The following ATP8A2 variants were observed in gnomAD, a reference collection of about 807,000 sequenced individuals.
ATP8A2 encodes phospholipid-transporting ATPase IB.
In ATP8A2, 100 loss-of-function variants were observed where a neutral mutation model predicts 165.6. That is an observed-to-expected ratio of 0.60 (90% CI 0.51 to 0.71). ATP8A2 has a LOEUF of 0.71. Among genes scored for constraint, ATP8A2 ranks in the 30% least tolerant of loss-of-function variants. The pLI is 0.00. For missense variants in ATP8A2, 1,227 were observed against 1,479.5 expected, an observed-to-expected ratio of 0.83 and a Z score of 2.80; for synonymous variants, 543 against 548.8, an observed-to-expected ratio of 0.99 and a Z score of 0.15.
In ATP8A2 at chr13:25,585,583, G is replaced by C. The variant is rs146252261; in HGVS notation, c.2146+3626G>C. Among the ~76,000 whole-genome samples, 327 of 152,136 alleles carry C rather than the reference G, an allele frequency of 2.1e-3. 1 individual carries two copies. Among genetic ancestry groups the C allele is most frequent in the Non-Finnish European group, 3.7e-3 (250 of 67,990 alleles). ...AAAACCATTTCTTATGGTCTTAGAG[G>C]TTTATTTTTTAAATTTTAATACATT... On this transcript the variant is annotated intron_variant, in intron 23 of 36. Coordinates refer to ENST00000381655, the MANE Select transcript of ATP8A2 (RefSeq NM_016529.6).
At chr13:25,488,745 C>T (rs1477881686) in intron 2 of ATP8A2, among the ~76,000 whole-genome samples, 3 of 152,178 alleles carry the variant, frequency 2.0e-5, no homozygotes, top group Non-Finnish European at 2.9e-5. Flanking sequence ...CTCTATCACA[C>T]GGTCATTTTT....
rs115244244 is a variant in ATP8A2 at position 25,403,567 on chromosome 13, A to G, written c.76+31279A>G. On this transcript the variant is annotated intron_variant, in intron 1 of 36. Transcript: ENST00000381655. The stretch of plus-strand genomic sequence containing the variant: ...GGGACCTCACTGAATGACCTCGAAT[A>G]CATTTTCAATTCCTCTGCATCCAGA... Among the ~76,000 whole-genome samples, 1,521 of 152,350 alleles carry G rather than the reference A, an allele frequency of 1.0e-2. 23 individuals are homozygous for G. Among genetic ancestry groups the G allele is most frequent in the African/African-American group, 0.034 (1,406 of 41,590 alleles).
intron 1 of ATP8A2, among the ~76,000 whole-genome samples, chr13:25,429,351 A>T (rs1454510835): frequency 7.6e-5 from 11 of 144,666 alleles, no homozygotes; most frequent in African/African-American, 2.8e-4. Context: ...GCCTGGGCCC[A>T]TAACAGTGTG....
intron 24 of ATP8A2, among the ~76,000 whole-genome samples, chr13:25,677,471 A>G (rs2042395509): frequency 6.6e-6 from 1 of 151,470 alleles, no homozygotes; most frequent in African/African-American, 2.4e-5. Flanking sequence ...GAAGGTAGTC[A>G]AGAAAATCCA....
rs369292173 is a variant in ATP8A2, at chr13:26,012,587, T to G, written c.3434T>G (p.Leu1145Arg). The change falls in exon 36 of 37, where the codon CTG becomes CGG. Residue 1145 changes from leucine (L) to arginine (R), a missense_variant. By Grantham distance (102) the Leu-to-Arg change is moderately radical. This residue lies in a region of ATP8A2 where 260 missense variants were observed against 245.1 expected (regional missense o/e 1.06). Transcript: ENST00000381655. The stretch of plus-strand genomic sequence containing the variant: ...CTGGGCCGGAAGACGCCCCCGACGC[T>G]GTTCCGGGGCAGCTCCCTGCAGCAG... ...KRLGRKTPPT[L>R]FRGSSLQQGV... 1 of 1,526,432 alleles carries G rather than the reference T, an allele frequency of 6.6e-7. No individual in the cohort carries two copies. Among genetic ancestry groups the G allele is most frequent in the Non-Finnish European group, 8.8e-7 (1 of 1,137,002 alleles). 94.6% of individuals were successfully genotyped at this position (1,526,432 alleles called of 1,614,324 possible).
At position 25,899,376 on chromosome 13, in the gene ATP8A2, G is replaced by A. The variant is rs542653082; in HGVS notation, c.3183+36968G>A. On this transcript the variant is annotated intron_variant, in intron 33 of 36. Transcript: ENST00000381655. ...CTCATTTAACCCCCTGCCTGGGTAT[G>A]TCTGACAAATTGAGAATATAGAACC... is the stretch of plus-strand genomic sequence containing the variant. Among the ~76,000 whole-genome samples, 8 of 152,312 alleles carry A rather than the reference G, an allele frequency of 5.3e-5. No homozygotes were observed. In the South Asian group the frequency reaches 8.3e-4, roughly 16 times the overall value.
At chr13:25,543,839 G>A (rs912456624) in intron 10 of ATP8A2, among the ~76,000 whole-genome samples, 38 of 152,286 alleles carry the variant, frequency 2.5e-4, no homozygotes, top group Middle Eastern at 3.4e-3. Context: ...AAAAAATGAA[G>A]TTAAAATGAT....
At chr13:25,998,425 G>A (rs1956561700) in intron 35 of ATP8A2, among the ~76,000 whole-genome samples, 2 of 152,170 alleles carry the variant, frequency 1.3e-5, no homozygotes, top group African/African-American at 2.4e-5. Flanking sequence ...GCATGGGTTG[G>A]GGGTGAGGGG....
intron 35 of ATP8A2, among the ~76,000 whole-genome samples, chr13:25,987,328 C>A (rs749903314): frequency 6.6e-6 from 1 of 152,212 alleles, no homozygotes; most frequent in Non-Finnish European, 1.5e-5. Context: ...AAGAGCTGTT[C>A]TTCCAACTGG....
chr13:25,648,868 G>T, intron 24 of ATP8A2: 3 of 369,876 alleles, frequency 8.1e-6, no homozygotes, highest in South Asian at 6.2e-5. Flanking sequence ...GAATATTCTT[G>T]ATCTGCTGTT....
chr13:25,787,729 G>A (rs1382953702), intron 27 of ATP8A2, among the ~76,000 whole-genome samples: 1 of 152,182 alleles, frequency 6.6e-6, no homozygotes, highest in Non-Finnish European at 1.5e-5. Flanking sequence ...CTCTGCCTCA[G>A]GGCCTCTCCG....
intron 25 of ATP8A2, among the ~76,000 whole-genome samples, chr13:25,724,261 CA>C (rs2043446971): frequency 6.6e-6 from 1 of 152,192 alleles, no homozygotes; most frequent in Admixed American, 6.5e-5. Context: ...CAGGAACTTC[CA>C]GAAGGTAATT....
chr13:25,814,443 T>A (rs1275598327), intron 27 of ATP8A2, among the ~76,000 whole-genome samples: 1 of 152,036 alleles, frequency 6.6e-6, no homozygotes. Flanking sequence ...ACAATCTGTT[T>A]GGAGGACTCA....
chr13:25,764,487 C>G (rs1417639752), intron 25 of ATP8A2, among the ~76,000 whole-genome samples: 1 of 152,164 alleles, frequency 6.6e-6, no homozygotes, highest in Non-Finnish European at 1.5e-5. Flanking sequence ...CTAGAAAGAA[C>G]CTGTGGTATT....
At chr13:25,526,014 G>A (rs896155109) in intron 2 of ATP8A2, among the ~76,000 whole-genome samples, 1 of 151,312 alleles carries the variant, frequency 6.6e-6, no homozygotes, top group African/African-American at 2.4e-5. Flanking sequence ...TTTCTTCTCT[G>A]TGTATTTTCA....
In ATP8A2 at chr13:25,469,087, C is replaced by G; in HGVS notation, c.187C>G (p.Pro63Ala). The G allele has an allele frequency of 6.2e-7, 1 of 1,614,058 alleles. No individual in the cohort carries two copies. Among genetic ancestry groups the G allele is most frequent in the Non-Finnish European group, 8.5e-7 (1 of 1,179,908 alleles). The change falls in exon 2 of 37, where the codon CCG becomes GCG. Residue 63 changes from proline (P) to alanine (A), a missense_variant. Coordinates refer to ENST00000381655, the MANE Select transcript of ATP8A2 (RefSeq NM_016529.6). ...APARTIYLNQPHLNKFRDNQI... is the reference protein window; with the variant it reads ...APARTIYLNQAHLNKFRDNQI... ...CGCCCGCACCATTTACCTCAACCAA[C>G]CGCATCTCAACAAATTCCGCGACAA...
intron 35 of ATP8A2, among the ~76,000 whole-genome samples, chr13:26,005,500 C>T (rs1219843015): frequency 6.6e-6 from 1 of 151,860 alleles, no homozygotes; most frequent in Non-Finnish European, 1.5e-5. Context: ...TTAGTTTGTT[C>T]TTCCTTTTGT....
chr13:25,829,298 G>C (rs904784262), intron 28 of ATP8A2, among the ~76,000 whole-genome samples: 5 of 151,970 alleles, frequency 3.3e-5, no homozygotes, highest in African/African-American at 1.2e-4. Context: ...ATTTCCTCCT[G>C]ATACTGATGC....
At chr13:25,508,217 G>A (rs1410675650) in intron 2 of ATP8A2, among the ~76,000 whole-genome samples, 3 of 152,102 alleles carry the variant, frequency 2.0e-5, no homozygotes, top group Non-Finnish European at 4.4e-5. Flanking sequence ...TGCTCCTCTA[G>A]GAACAGAAAC....
Sources: allele counts gnomAD v4.1 joint callset (sites outside exome capture counted in the v4.1 genomes callset), GRCh38; gene constraint gnomAD v4.1.1; regional missense constraint gnomAD v4.1.1; transcripts MANE v1.5; gene names NCBI Gene and HGNC (gene_info 2026-07-23, HGNC 2026-07-21).